Variants in CFAP58 observed in about 807,000 individuals in gnomAD.
CFAP58 encodes the protein cilia and flagella associated protein 58.
In CFAP58, 88 loss-of-function variants were observed where a neutral mutation model predicts 119.5. The observed-to-expected ratio is 0.74, with a 90% CI of 0.62 to 0.88. CFAP58 has a LOEUF of 0.88. CFAP58 is among the 40% of genes least tolerant of loss of function. The pLI, the probability that CFAP58 is intolerant of heterozygous loss-of-function variation, is 0.00. For missense variants in CFAP58, 990 were observed against 1,021.2 expected (o/e 0.97, Z 0.42); for synonymous variants, 365 against 366.3 (o/e 1.00, Z 0.04).
upstream of CFAP58, among the ~76,000 whole-genome samples, chr10:104,352,726 T>TA (rs2014476180): frequency 6.6e-6 from 1 of 152,212 alleles, no homozygotes; most frequent in Non-Finnish European, 1.5e-5. Context: ...ATTGGAGAAT[T>TA]AGAGGCGGCC....
chr10:104,435,557 A>T (rs552668311), intron 15 of CFAP58, among the ~76,000 whole-genome samples: 1 of 152,170 alleles, frequency 6.6e-6, no homozygotes, highest in Admixed American at 6.5e-5. Context: ...ACCACATTTG[A>T]TGGCATCAAA....
intron 15 of CFAP58, among the ~76,000 whole-genome samples, chr10:104,441,204 T>C (rs1407171572): frequency 1.3e-5 from 2 of 152,172 alleles, no homozygotes; most frequent in Admixed American, 6.5e-5. Flanking sequence ...GATTTTGCCA[T>C]GTTGGCCAGG....
intron 16 of CFAP58, among the ~76,000 whole-genome samples, chr10:104,449,161 G>GTTTT (rs35684849): frequency 7.0e-6 from 1 of 142,228 alleles, no homozygotes; most frequent in African/African-American, 2.6e-5. Context: ...ACTGAGACAG[G>GTTTT]TTTTTTTTTT....
At chr10:104,398,295 T>A (rs1454781154) in intron 11 of CFAP58, among the ~76,000 whole-genome samples, 1 of 152,250 alleles carries the variant, frequency 6.6e-6, no homozygotes, top group Non-Finnish European at 1.5e-5. Context: ...TTGGAACTCT[T>A]GGGTGGTGAC....
chr10:104,343,285 C>T, the CFAP58 span, among the ~76,000 whole-genome samples: 124 of 152,340 alleles, frequency 8.1e-4, 1 homozygote, highest in African/African-American at 2.9e-3. Context: ...TCACGTCCCT[C>T]CTCTGGGAAT....
rs1159567773 is a variant in CFAP58, at chr10:104,364,983, T to C, written c.597+94T>C. 9.0e-6 allele frequency: 12 copies of C among 1,332,414 alleles called. No homozygotes were observed. In the East Asian group the frequency reaches 3.0e-4, roughly 34 times the overall value. The allele number at this position is 1,332,414 out of a possible 1,614,324, so 82.5% of individuals were successfully genotyped here. A position where few individuals can be genotyped will look rare whatever the true frequency, so the allele number is the denominator to read the frequency against. On this transcript the variant is annotated intron_variant, in intron 4 of 17. Transcript: ENST00000369704. ...TTCCCATCTTGCTCCTTTCTCAAAT[T>C]TACCCCCTAGCGCCCAAATGAAACA...
chr10:104,400,656 C>G, intron 12 of CFAP58, 24 bp from the exon 13 acceptor site: 2 of 1,596,194 alleles, frequency 1.3e-6, no homozygotes, highest in African/African-American at 2.7e-5. Flanking sequence ...TCCCTGGTGA[C>G]TATGCCCCTC....
upstream of CFAP58, among the ~76,000 whole-genome samples, chr10:104,350,073 T>C (rs991962138): frequency 2.0e-5 from 3 of 152,218 alleles, no homozygotes; most frequent in Non-Finnish European, 4.4e-5. Context: ...TGTCTCGGAC[T>C]GTTGTCAGAA....
At chr10:104,360,416 G>A (rs2014650006) in intron 2 of CFAP58, among the ~76,000 whole-genome samples, 1 of 151,962 alleles carries the variant, frequency 6.6e-6, no homozygotes, top group South Asian at 2.1e-4. Flanking sequence ...AGAAGGCAAA[G>A]TGGAGCAGAC....
Position 104,357,799 on chromosome 10 carries a change from A to G in CFAP58, c.10-542A>G, listed in dbSNP as rs949124157. The stretch of plus-strand genomic sequence containing the variant: ...TATATGTGTGTTTATATACATATAT[A>G]TACACACATATATATGTACATATAT... On this transcript the variant is annotated intron_variant, in intron 1 of 17. Coordinates refer to ENST00000369704, the MANE Select transcript of CFAP58 (RefSeq NM_001008723.2). Among the ~76,000 whole-genome samples, 18 of 145,716 alleles carry G rather than the reference A, an allele frequency of 1.2e-4. 2 individuals carry two copies. The highest frequency in any genetic ancestry group is 4.2e-4 in the African/African-American group (15 of 36,004).
chr10:104,363,455 G>A (rs2014699113), intron 3 of CFAP58, among the ~76,000 whole-genome samples: 1 of 152,154 alleles, frequency 6.6e-6, no homozygotes, highest in Non-Finnish European at 1.5e-5. Flanking sequence ...GTTGGGAGAG[G>A]GAATAGGAAA....
chr10:104,379,578 AT>A (rs2011739700), intron 8 of CFAP58, among the ~76,000 whole-genome samples: 1 of 152,164 alleles, frequency 6.6e-6, no homozygotes, highest in South Asian at 2.1e-4. Context: ...GCTGCTTTTT[AT>A]CTTCCTTTGT....
the CFAP58 span, among the ~76,000 whole-genome samples, chr10:104,343,054 T>G: frequency 6.6e-6 from 1 of 152,064 alleles, no homozygotes; most frequent in Non-Finnish European, 1.5e-5. Context: ...CCTATACTAG[T>G]CATTAAGCAT....
At chr10:104,354,618 T>C (rs938313855) in intron 1 of CFAP58, among the ~76,000 whole-genome samples, 2 of 152,024 alleles carry the variant, frequency 1.3e-5, no homozygotes, top group African/African-American at 2.4e-5. Context: ...CCCCATCCAC[T>C]ATGGCCCTAC....
rs371540971 is a variant in CFAP58 at position 104,447,783 on chromosome 10, G to A, written c.2342G>A (p.Arg781Gln). ...GCTGCGGAACAGCTGAAGCTGTACC[G>A]ACGCACGCTGCATGACAAGAAGCAG... Reference protein sequence around the residue: ...PEAAEQLKLYRRTLHDKKQQL... With the variant: ...PEAAEQLKLYQRTLHDKKQQL... The change falls in exon 16 of 18, where the codon CGA becomes CAA. Residue 781 changes from arginine (R) to glutamine (Q), a missense_variant. Arg to Gln is a conservative substitution (Grantham distance 43). Transcript: ENST00000369704. 30 of 1,614,000 alleles carry A rather than the reference G, an allele frequency of 1.9e-5. No homozygotes were observed. The highest frequency in any genetic ancestry group is 4.0e-5 in the African/African-American group (3 of 75,058).
Position 104,393,462 on chromosome 10 carries a change from A to G in CFAP58, c.1661A>G (p.Lys554Arg), listed in dbSNP as rs1227941132. The G allele has an allele frequency of 6.2e-7, 1 of 1,613,718 alleles. No individual in the cohort carries two copies. The highest frequency in any genetic ancestry group is 8.5e-7 in the Non-Finnish European group (1 of 1,179,756). ...HLEQQRIEKE[K>R]ETLKAELQKL... is the part of the protein sequence containing the mutation. ...GAACAGCAGCGAATAGAAAAGGAAAAGGAAACATTGAAGGTACTGACCTCA... is the reference window on the plus strand; with the variant it reads ...GAACAGCAGCGAATAGAAAAGGAAAGGGAAACATTGAAGGTACTGACCTCA... The change falls in exon 11 of 18, where the codon AAG (lysine) becomes AGG (arginine). Residue 554 changes from lysine (K) to arginine (R), a missense_variant. Physicochemically the swap from Lys to Arg is conservative, Grantham distance 26. Transcript: ENST00000369704.
chr10:104,365,799 T>A lies in CFAP58; in HGVS notation c.598-15T>A. ...GGCTCATCTCTTTCTCTCTTGTCCT[T>A]TCCGCAACCTCTAGTTCCAACAAGA... On this transcript the variant is annotated splice_polypyrimidine_tract_variant and intron_variant, in intron 4 of 17. Transcript: ENST00000369704. The A allele has an allele frequency of 6.3e-7, 1 of 1,597,606 alleles. No individual in the cohort carries two copies. The highest frequency in any genetic ancestry group is 2.2e-5 in the East Asian group (1 of 44,716).
At chr10:104,341,111 A>C in the CFAP58 span, among the ~76,000 whole-genome samples, 1 of 152,200 alleles carries the variant, frequency 6.6e-6, no homozygotes, top group East Asian at 1.9e-4. Flanking sequence ...AAAGTGGTGA[A>C]TCCCCTTGGC....
chr10:104,363,627 C>A (rs944497846), intron 3 of CFAP58, among the ~76,000 whole-genome samples: 1 of 152,178 alleles, frequency 6.6e-6, no homozygotes, highest in South Asian at 2.1e-4. Context: ...AACAATCCAG[C>A]CAATAATTTT....
Sources: allele counts gnomAD v4.1 joint callset (sites outside exome capture counted in the v4.1 genomes callset), GRCh38; gene constraint gnomAD v4.1.1; transcripts MANE v1.5; gene names NCBI Gene and HGNC (gene_info 2026-07-23, HGNC 2026-07-21).